GAPVD1: variants seen among roughly 807,000 people sequenced by gnomAD.
GAPVD1 encodes GTPase activating protein and VPS9 domains 1.
In GAPVD1, 35 loss-of-function variants were observed where a neutral mutation model predicts 155.5. The ratio of observed to expected loss-of-function variants is 0.23; its 90% CI spans 0.17 to 0.30. The LOEUF (loss-of-function observed/expected upper bound fraction) is 0.30. GAPVD1 is among the 10% of genes least tolerant of loss of function. The pLI, the probability that GAPVD1 is intolerant of heterozygous loss-of-function variation, is 1.00. For synonymous variants in GAPVD1, 636 were observed against 619.7 expected, an observed-to-expected ratio of 1.03 and a Z score of -0.39; for missense variants, 1,429 against 1,775.7, an observed-to-expected ratio of 0.80 and a Z score of 3.51.
At chr9:125,286,976 C>T (rs1021708003) in intron 2 of GAPVD1, among the ~76,000 whole-genome samples, 1 of 151,716 alleles carries the variant, frequency 6.6e-6, no homozygotes, top group Non-Finnish European at 1.5e-5. Flanking sequence ...CCTAGCTACT[C>T]GGGAGGCTGA....
rs1390402244 is a variant in GAPVD1 at position 125,363,252 on chromosome 9, A to T, written c.*506A>T. ...ACCTAAATTGAAAGCTAAGAAGGAA[A>T]TGTAAATATAATATATATTTATATT... On this transcript the variant is annotated 3_prime_UTR_variant, in exon 28 of 28. Transcript: ENST00000297933. The T allele has an allele frequency of 1.3e-5, 2 of 152,150 alleles. No individual in the cohort carries two copies. The highest frequency in any genetic ancestry group is 2.9e-5 in the Non-Finnish European group (2 of 68,044). The allele number at this position is 152,150 out of a possible 1,614,324, so 9.4% of individuals were successfully genotyped here. A position where few individuals can be genotyped will look rare whatever the true frequency, so the allele number is the denominator to read the frequency against.
intron 13 of GAPVD1, 118 bp from the exon 14 acceptor site, chr9:125,331,808 T>C (rs750171870): frequency 4.8e-6 from 4 of 838,760 alleles, no homozygotes; most frequent in African/African-American, 1.7e-5. Context: ...GACTTACACA[T>C]GTATTTGCAC....
intron 2 of GAPVD1, among the ~76,000 whole-genome samples, chr9:125,271,351 A>G (rs528348412): frequency 6.6e-6 from 1 of 151,638 alleles, no homozygotes; most frequent in South Asian, 2.1e-4. Flanking sequence ...TTCCTTACCA[A>G]CTTATGTGTT....
intron 19 of GAPVD1, among the ~76,000 whole-genome samples, chr9:125,344,571 G>A (rs1452745290): frequency 2.6e-5 from 4 of 152,100 alleles, no homozygotes; most frequent in African/African-American, 9.7e-5. Flanking sequence ...AAGATTATAA[G>A]CAACATTGTG....
At chr9:125,360,946 C>T (rs1233076663) in intron 27 of GAPVD1, among the ~76,000 whole-genome samples, 1 of 152,186 alleles carries the variant, frequency 6.6e-6, no homozygotes, top group Non-Finnish European at 1.5e-5. Flanking sequence ...ACTGCAACCT[C>T]CATCTCCTGG....
chr9:125,264,044 A>G lies in GAPVD1; in HGVS notation c.-199+2085A>G, dbSNP rs1050367668. On this transcript the variant is annotated intron_variant, in intron 1 of 27. Coordinates refer to ENST00000297933, the MANE Select transcript of GAPVD1 (RefSeq NM_001282680.3). Reference sequence around the variant, plus strand: ...CATGTGGACATCCTTCTTGGCCACCATGACTCCCTCCTTAAAAAGGAGTTC... The same window carrying G: ...CATGTGGACATCCTTCTTGGCCACCGTGACTCCCTCCTTAAAAAGGAGTTC... 2.5e-5 allele frequency: 27 copies of G among 1,076,540 alleles called. 1 individual carries two copies. The highest frequency in any genetic ancestry group is 3.4e-5 in the Non-Finnish European group (24 of 698,514). The allele number at this position is 1,076,540 out of a possible 1,614,324, so 66.7% of individuals were successfully genotyped here.
chr9:125,344,837 C>T lies in GAPVD1; in HGVS notation c.3047-1982C>T, dbSNP rs182568973. 9.8e-4 allele frequency among the ~76,000 whole-genome samples: 147 copies of T among 150,148 alleles called. 1 individual carries two copies. The highest frequency in any genetic ancestry group is 1.5e-3 in the Non-Finnish European group (103 of 67,696). On this transcript the variant is annotated intron_variant, in intron 19 of 27. Transcript: ENST00000297933. ...AAAAAAAAAAAGGCAGTAGCCACAA[C>T]GTACTTCCCCTTCAAAACAAGATTC...
At chr9:125,288,351 C>A (rs890107944) in intron 2 of GAPVD1, among the ~76,000 whole-genome samples, 3 of 152,002 alleles carry the variant, frequency 2.0e-5, no homozygotes, top group African/African-American at 7.2e-5. Flanking sequence ...ACTTCATGAT[C>A]CACCCGCCTC....
At chr9:125,357,986 A>AACACACAC (rs200675642) in intron 25 of GAPVD1, among the ~76,000 whole-genome samples, 2 of 150,462 alleles carry the variant, frequency 1.3e-5, no homozygotes, top group African/African-American at 4.9e-5. Context: ...AAAAAAAAAA[A>AACACACAC]ACACACACAC....
At chr9:125,333,539 A>G (rs1036962015) in intron 15 of GAPVD1, among the ~76,000 whole-genome samples, 1 of 123,194 alleles carries the variant, frequency 8.1e-6, no homozygotes, top group African/African-American at 3.2e-5. Context: ...CCCAGGCTGG[A>G]GTGCAATGGC....
intron 1 of GAPVD1, among the ~76,000 whole-genome samples, chr9:125,267,104 CTT>C (rs1281369294): frequency 6.6e-6 from 1 of 152,134 alleles, no homozygotes; most frequent in East Asian, 1.9e-4. Flanking sequence ...TTTTGCAACT[CTT>C]TGAAAAATTG....
chr9:125,288,269 A>G (rs1838038991), intron 2 of GAPVD1, among the ~76,000 whole-genome samples: 1 of 151,298 alleles, frequency 6.6e-6, no homozygotes, highest in African/African-American at 2.4e-5. Flanking sequence ...GCACCACCAC[A>G]CCTGGCTCAT....
chr9:125,283,568 G>T (rs1292993883), intron 2 of GAPVD1, among the ~76,000 whole-genome samples: 1 of 152,008 alleles, frequency 6.6e-6, no homozygotes, highest in East Asian at 1.9e-4. Flanking sequence ...TCCCTGTATT[G>T]ACCAGGCTGG....
chr9:125,302,646 C>A lies in GAPVD1; in HGVS notation c.849C>A (p.Ile283=), dbSNP rs749152514. Residue 283 remains isoleucine (I), a synonymous_variant, in exon 5 of 28, where the codon ATC becomes ATA. Transcript: ENST00000297933. ...TYCFPHSLRW[I]VSQMYKTLSC... ...GTTTTCCACATAGTTTAAGGTGGAT[C>A]GTGTCTCAGATGTACAAAACCCTCT... 1 of 1,613,680 alleles carries A rather than the reference C, an allele frequency of 6.2e-7. No homozygotes were observed.
At chr9:125,332,180 A>G (rs1846192116) in intron 14 of GAPVD1, 120 bp downstream of exon 14, 3 of 1,005,430 alleles carry the variant, frequency 3.0e-6, no homozygotes. Flanking sequence ...TTTCCAGAAA[A>G]CAAACTTATT....
chr9:125,358,754 C>A (rs547471138), intron 25 of GAPVD1, among the ~76,000 whole-genome samples: 5 of 152,296 alleles, frequency 3.3e-5, no homozygotes, highest in African/African-American at 1.2e-4. Context: ...CTAGTTTTTG[C>A]CTTTAGGCAT....
At position 125,307,791 on chromosome 9, in the gene GAPVD1, A is replaced by C; in HGVS notation, c.1352A>C (p.Lys451Thr). 1 of 1,613,858 alleles carries C rather than the reference A, an allele frequency of 6.2e-7. No homozygotes were observed. Among genetic ancestry groups the C allele is most frequent in the Non-Finnish European group, 8.5e-7 (1 of 1,179,754 alleles). Residue 451 changes from lysine to threonine, a missense_variant, in exon 8 of 28, where the codon AAA (lysine) becomes ACA (threonine). Around this residue, in one of 4 missense-constraint regions of GAPVD1, gnomAD observed 628 missense variants for 733.4 expected, o/e 0.86. Transcript: ENST00000297933. ...LANLPPAKPG[K>T]SSSLEMTPYN... ...AACCTACCCCCGGCCAAGCCAGGAAAAAGTAGCAGTTTAGAAATGACTCCC... is the reference window on the plus strand; with the variant it reads ...AACCTACCCCCGGCCAAGCCAGGAACAAGTAGCAGTTTAGAAATGACTCCC...
chr9:125,359,543 A>G (rs1564477462), intron 26 of GAPVD1, 51 bp downstream of exon 26: 3 of 874,846 alleles, frequency 3.4e-6, no homozygotes, highest in Admixed American at 3.5e-5. Flanking sequence ...GCTGCGTGTT[A>G]TTATACCATA....
chr9:125,359,517 G>GT (rs755375564), intron 26 of GAPVD1, 25 bp downstream of exon 26: 2 of 1,150,398 alleles, frequency 1.7e-6, no homozygotes, highest in Non-Finnish European at 2.6e-6. Context: ...TATAGCATGG[G>GT]TAATGTTAAC....
Sources: allele counts gnomAD v4.1 joint callset (sites outside exome capture counted in the v4.1 genomes callset), GRCh38; gene constraint gnomAD v4.1.1; regional missense constraint gnomAD v4.1.1; transcripts MANE v1.5; gene names NCBI Gene and HGNC (gene_info 2026-07-23, HGNC 2026-07-21).